ARTN: variants seen among roughly 807,000 people sequenced by gnomAD.
ARTN encodes the protein artemin.
In ARTN, 9 loss-of-function variants were observed where a neutral mutation model predicts 15.4. The observed-to-expected ratio is 0.58, with a 90% CI of 0.35 to 1.02. The LOEUF is 1.02. Ranked by LOEUF, ARTN falls within the 50% of genes least tolerant of loss-of-function variation. The probability of loss-of-function intolerance (pLI) is 0.02; values close to 1 mark genes in which losing one functional copy is unlikely to be tolerated. For synonymous variants in ARTN, 163 were observed against 155.8 expected (o/e 1.05, Z -0.35); for missense variants, 284 against 327.9 (o/e 0.87, Z 1.03).
rs1456102935 is a variant in ARTN at position 43,934,098 on chromosome 1, C to T, written c.-216-14C>T. 3 of 152,770 alleles carry T rather than the reference C, an allele frequency of 2.0e-5. No individual in the cohort carries two copies. Among genetic ancestry groups the T allele is most frequent in the Non-Finnish European group, 4.4e-5 (3 of 68,156 alleles). 9.5% of individuals were successfully genotyped at this position (152,770 alleles called of 1,614,324 possible). A position where few individuals can be genotyped will look rare whatever the true frequency, so the allele number is the denominator to read the frequency against. ...CCGGCCCACTGTAATGTGAGGCTCC[C>T]GCTGCCGCTACAGGGTGCAGACTGG... is the stretch of plus-strand genomic sequence containing the variant. On this transcript the variant is annotated splice_polypyrimidine_tract_variant and intron_variant, in intron 1 of 4. Coordinates refer to ENST00000372359, the MANE Select transcript of ARTN (RefSeq NM_057091.3).
rs763023264 is a variant in ARTN at position 43,936,615 on chromosome 1, C to T, written c.513C>T (p.Ala171=). 3.1e-6 allele frequency: 5 copies of T among 1,592,734 alleles called. No individual in the cohort carries two copies. Among genetic ancestry groups the T allele is most frequent in the Non-Finnish European group, 4.3e-6 (5 of 1,170,414 alleles). ...HDLSLASLLG[A]GALRPPPGSR... ...TCAGCCTGGCCAGCCTACTGGGCGC[C>T]GGGGCCCTGCGACCGCCCCCGGGCT... Residue 171 remains alanine, a synonymous_variant, in exon 5 of 5, where the codon GCC becomes GCT. Transcript: ENST00000372359. The surrounding 1 kb of genome is among the most constrained non-coding windows in gnomAD (Gnocchi z 6.6).
chr1:43,935,560 C>A, intron 2 of ARTN, 30 bp from the exon 3 acceptor site: 4 of 1,332,804 alleles, frequency 3.0e-6, no homozygotes, highest in Non-Finnish European at 4.2e-6. Context: ...CGGTCCCCCA[C>A]AAAAGATAAC....
Position 43,935,709 on chromosome 1 carries a change from G to T in ARTN, c.53G>T (p.Arg18Met). 1 of 1,612,134 alleles carries T rather than the reference G, an allele frequency of 6.2e-7. No individual in the cohort carries two copies. Among genetic ancestry groups the T allele is most frequent in the Non-Finnish European group, 8.5e-7 (1 of 1,179,170 alleles). Residue 18 changes from arginine (R) to methionine (M), a missense_variant, in exon 3 of 5, where the codon AGG (arginine) becomes ATG (methionine). Physicochemically the swap from Arg to Met is moderately conservative, Grantham distance 91. Transcript: ENST00000372359. ...LSTLSHCPWP[R>M]QQPALWPTLA... ...ACGCTGTCCCACTGCCCCTGGCCTA[G>T]GCAGCAGGTGAGTGGTTCTCCCAGT... is the stretch of plus-strand genomic sequence containing the variant.
chr1:43,935,540 G>C, intron 2 of ARTN, 50 bp from the exon 3 acceptor site: 2 of 1,049,064 alleles, frequency 1.9e-6, no homozygotes, highest in Non-Finnish European at 2.8e-6. Flanking sequence ...GAGAAACTGG[G>C]GTGGCAGGCC....
At chr1:43,935,801 G>A in intron 3 of ARTN, 85 bp downstream of exon 3, 2 of 1,361,842 alleles carry the variant, frequency 1.5e-6, no homozygotes, top group East Asian at 2.5e-5. Context: ...GGCTTGGGCA[G>A]CGGTTAGGTG....
Position 43,936,631 on chromosome 1 carries a change from C to G in ARTN, c.529C>G (p.Pro177Ala). ...ACTGGGCGCCGGGGCCCTGCGACCG[C>G]CCCCGGGCTCCCGGCCCGTCAGCCA... ...SLLGAGALRP[P>A]PGSRPVSQPC... The change falls in exon 5 of 5, where the codon CCC (proline) becomes GCC (alanine). Residue 177 changes from proline to alanine, a missense_variant. Pro to Ala is a conservative substitution (Grantham distance 27). Transcript: ENST00000372359. This position sits in a 1 kb window ranked among gnomAD's most constrained non-coding sequence, Gnocchi z 6.6. 1 of 1,593,132 alleles carries G rather than the reference C, an allele frequency of 6.3e-7. No individual in the cohort carries two copies. The highest frequency in any genetic ancestry group is 8.5e-7 in the Non-Finnish European group (1 of 1,170,388).
chr1:43,936,442 C>A lies in ARTN; in HGVS notation c.340C>A (p.Arg114Ser). 9 of 1,143,610 alleles carry A rather than the reference C, an allele frequency of 7.9e-6. No homozygotes were observed. The highest frequency in any genetic ancestry group is 9.7e-6 in the Non-Finnish European group (9 of 932,520). 70.8% of individuals were successfully genotyped at this position (1,143,610 alleles called of 1,614,324 possible). ...RAARAGGPGS[R>S]ARAAGARGCR... ...GGCGCGGGCTGGGGGCCCGGGCAGC[C>A]GCGCTCGGGCAGCGGGGGCGCGGGG... Residue 114 changes from arginine (R) to serine (S), a missense_variant, in exon 5 of 5, where the codon CGC becomes AGC. Arg to Ser is a moderately radical substitution (Grantham distance 110, BLOSUM62 -1). Transcript: ENST00000372359. This position sits in a 1 kb window ranked among gnomAD's most constrained non-coding sequence, Gnocchi z 6.6.
chr1:43,933,898 A>C lies in ARTN; in HGVS notation c.-217+13A>C, dbSNP rs1347384305. On this transcript the variant is annotated intron_variant, in intron 1 of 4. Transcript: ENST00000372359. ...CCCCACACCCGAGGTAAGCCAGCCC[A>C]CTTGCCTGTTTCTGGTCCCAGCCCT... is the stretch of plus-strand genomic sequence containing the variant. 2.0e-5 allele frequency: 3 copies of C among 152,118 alleles called. No homozygotes were observed. Among genetic ancestry groups the C allele is most frequent in the Admixed American group, 6.5e-5 (1 of 15,284 alleles). The allele number at this position is 152,118 out of a possible 1,614,324, so 9.4% of individuals were successfully genotyped here. A position where few individuals can be genotyped will look rare whatever the true frequency, so the allele number is the denominator to read the frequency against.
rs758403848 is a variant in ARTN, at chr1:43,936,095, T to C, written c.63T>C (p.Pro21=). The C allele has an allele frequency of 1.2e-6, 2 of 1,611,920 alleles. No homozygotes were observed. Among genetic ancestry groups the C allele is most frequent in the Admixed American group, 3.3e-5 (2 of 59,988 alleles). Reference sequence around the variant, plus strand: ...CTCCACTTGGTCTCTCCGCGCAGCCTGCCCTGTGGCCCACCCTGGCCGCTC... The same window carrying C: ...CTCCACTTGGTCTCTCCGCGCAGCCCGCCCTGTGGCCCACCCTGGCCGCTC... ...LSHCPWPRQQ[P]ALWPTLAALA... is the part of the protein sequence containing the mutation. The change falls in exon 4 of 5, where the codon CCT becomes CCC. Residue 21 remains proline, a splice_region_variant and synonymous_variant. Transcript: ENST00000372359. This position sits in a 1 kb window ranked among gnomAD's most constrained non-coding sequence, Gnocchi z 6.6.
In ARTN at chr1:43,936,138, G is replaced by C. The variant is rs772827055; in HGVS notation, c.106G>C (p.Val36Leu). Reference sequence around the variant, plus strand: ...GGCCGCTCTGGCTCTGCTGAGCAGCGTCGCAGAGGCCTCCCTGGGCTCCGC... The same window carrying C: ...GGCCGCTCTGGCTCTGCTGAGCAGCCTCGCAGAGGCCTCCCTGGGCTCCGC... ...TLAALALLSS[V>L]AEASLGSAPR... is the part of the protein sequence containing the mutation. The change falls in exon 4 of 5, where the codon GTC becomes CTC. Residue 36 changes from valine (V) to leucine (L), a missense_variant. Val to Leu is a conservative substitution (Grantham distance 32, BLOSUM62 1). Transcript: ENST00000372359. This position sits in a 1 kb window ranked among gnomAD's most constrained non-coding sequence, Gnocchi z 6.6. 6.2e-7 allele frequency: 1 copy of C among 1,600,898 alleles called. No individual in the cohort carries two copies. The highest frequency in any genetic ancestry group is 8.5e-7 in the Non-Finnish European group (1 of 1,178,490).
chr1:43,934,409 C>G (rs2085070106), intron 2 of ARTN, 149 bp downstream of exon 2: 1 of 152,496 alleles, frequency 6.6e-6, no homozygotes, highest in South Asian at 2.1e-4. Context: ...GGCTGCCCTG[C>G]CTGCCTTTCC....
At position 43,935,676 on chromosome 1, in the gene ARTN, G is replaced by T. The variant is rs760042233; in HGVS notation, c.20G>T (p.Gly7Val). 2 of 1,613,544 alleles carry T rather than the reference G, an allele frequency of 1.2e-6. No homozygotes were observed. The highest frequency in any genetic ancestry group is 2.2e-5 in the East Asian group (1 of 44,864). MELGLG[G>V]LSTLSHCPWP... ...ATAGAGATGGAACTTGGACTTGGAG[G>T]CCTCTCCACGCTGTCCCACTGCCCC... The change falls in exon 3 of 5, where the codon GGC becomes GTC. Residue 7 changes from glycine (G) to valine (V), a missense_variant. Physicochemically the swap from Gly to Val is moderately radical, Grantham distance 109. Transcript: ENST00000372359.
rs1480006314 is a variant in ARTN, at chr1:43,935,322, T to C, written c.-67-268T>C. 1.6e-4 allele frequency: 49 copies of C among 313,208 alleles called. 2 individuals carry two copies. The highest frequency in any genetic ancestry group is 1.5e-3 in the South Asian group (39 of 26,532). 19.4% of individuals were successfully genotyped at this position (313,208 alleles called of 1,614,324 possible). A position where few individuals can be genotyped will look rare whatever the true frequency, so the allele number is the denominator to read the frequency against. On this transcript the variant is annotated intron_variant, in intron 2 of 4. Transcript: ENST00000372359. ...GTTCTGGGAAAAGAGGACCCCTCTCTCCCCTCCAGCTGTGTGACCTTGTAA... is the reference window on the plus strand; with the variant it reads ...GTTCTGGGAAAAGAGGACCCCTCTCCCCCCTCCAGCTGTGTGACCTTGTAA...
Position 43,936,731 on chromosome 1 carries a change from G to A in ARTN, c.629G>A (p.Arg210His). 6.5e-7 allele frequency: 1 copy of A among 1,538,712 alleles called. No homozygotes were observed. The highest frequency in any genetic ancestry group is 8.8e-7 in the Non-Finnish European group (1 of 1,136,254). ...AACAGCACCTGGAGAACCGTGGACC[G>A]CCTCTCCGCCACCGCCTGCGGCTGC... ...DVNSTWRTVDRLSATACGCLG is the reference protein window; with the variant it reads ...DVNSTWRTVDHLSATACGCLG Residue 210 changes from arginine to histidine, a missense_variant, in exon 5 of 5, where the codon CGC becomes CAC. Arg to His is a conservative substitution (Grantham distance 29). Transcript: ENST00000372359. The surrounding 1 kb of genome is among the most constrained non-coding windows in gnomAD (Gnocchi z 6.6).
At position 43,935,515 on chromosome 1, in the gene ARTN, C is replaced by T. The variant is rs1258849780; in HGVS notation, c.-67-75C>T. 9 of 822,062 alleles carry T rather than the reference C, an allele frequency of 1.1e-5. No individual in the cohort carries two copies. In the East Asian group the frequency reaches 2.1e-4, roughly 20 times the overall value. 50.9% of individuals were successfully genotyped at this position (822,062 alleles called of 1,614,324 possible). On this transcript the variant is annotated intron_variant, in intron 2 of 4. Transcript: ENST00000372359. Reference sequence around the variant, plus strand: ...GGGTTGAGTCTAGCTGTGTAGGCCCCTTGTTCCTCACCTGGAGAAACTGGG... The same window carrying T: ...GGGTTGAGTCTAGCTGTGTAGGCCCTTTGTTCCTCACCTGGAGAAACTGGG...
chr1:43,934,897 A>C (rs1347131082), intron 2 of ARTN, among the ~76,000 whole-genome samples: 2 of 152,160 alleles, frequency 1.3e-5, no homozygotes, highest in Admixed American at 1.3e-4. Flanking sequence ...CCTGCTTGGA[A>C]TCTGCAGGCT....
chr1:43,934,801 C>G (rs1571751504), intron 2 of ARTN, among the ~76,000 whole-genome samples: 2 of 152,268 alleles, frequency 1.3e-5, no homozygotes, highest in Admixed American at 1.3e-4. Context: ...GCTCAGCTCT[C>G]AGAGACCAGG....
rs1474708765 is a variant in ARTN, at chr1:43,936,140, C to A, written c.108C>A (p.Val36=). 1 of 1,600,164 alleles carries A rather than the reference C, an allele frequency of 6.2e-7. No individual in the cohort carries two copies. The highest frequency in any genetic ancestry group is 1.1e-5 in the South Asian group (1 of 90,188). The change falls in exon 4 of 5, where the codon GTC becomes GTA. Residue 36 remains valine, a synonymous_variant. Coordinates refer to ENST00000372359, the MANE Select transcript of ARTN (RefSeq NM_057091.3). The surrounding 1 kb of genome is among the most constrained non-coding windows in gnomAD (Gnocchi z 6.6). The part of the protein sequence containing the change: ...TLAALALLSS[V]AEASLGSAPR... The stretch of plus-strand genomic sequence containing the variant: ...CCGCTCTGGCTCTGCTGAGCAGCGT[C>A]GCAGAGGCCTCCCTGGGCTCCGCGC...
Position 43,936,213 on chromosome 1 carries a change from C to A in ARTN, c.181C>A (p.Pro61Thr). 2 of 1,485,396 alleles carry A rather than the reference C, an allele frequency of 1.3e-6. No homozygotes were observed. Among genetic ancestry groups the A allele is most frequent in the Non-Finnish European group, 1.8e-6 (2 of 1,126,574 alleles). The allele number at this position is 1,485,396 out of a possible 1,614,324, so 92.0% of individuals were successfully genotyped here. A position where few individuals can be genotyped will look rare whatever the true frequency, so the allele number is the denominator to read the frequency against. ...REGPPPVLAS[P>T]AGHLPGGRTA... The stretch of plus-strand genomic sequence containing the variant: ...AGGCCCCCCGCCTGTCCTGGCGTCC[C>A]CCGCCGGCCACCTGCCGGGTAGGTG... The change falls in exon 4 of 5, where the codon CCC (proline) becomes ACC (threonine). Residue 61 changes from proline (P) to threonine (T), a missense_variant. Transcript: ENST00000372359. This position sits in a 1 kb window ranked among gnomAD's most constrained non-coding sequence, Gnocchi z 6.6.
Sources: gnomAD v4.1 joint callset for allele counts (sites outside exome capture counted in the v4.1 genomes callset) on GRCh38, gnomAD v4.1.1 for gene constraint, Gnocchi (gnomAD v3.1) non-coding constraint, MANE v1.5 for transcripts, NCBI Gene and HGNC (gene_info 2026-07-23, HGNC 2026-07-21) for gene names.